DENND1B: variants seen among roughly 807,000 people sequenced by gnomAD.
DENND1B encodes the protein DENN domain containing 1B.
In DENND1B, 59 loss-of-function variants were observed where a neutral mutation model predicts 90.1. The observed-to-expected ratio is 0.65, with a 90% confidence interval of 0.53 to 0.81. The LOEUF (loss-of-function observed/expected upper bound fraction) is 0.81. DENND1B is among the 40% of genes least tolerant of loss of function. The probability of loss-of-function intolerance (pLI) is 0.00; values close to 1 mark genes in which losing one functional copy is unlikely to be tolerated. For missense variants in DENND1B, 862 were observed against 912.6 expected (o/e 0.94, Z 0.71); for synonymous variants, 337 against 324.6 (o/e 1.04, Z -0.41).
At chr1:197,545,743 C>A in intron 18 of DENND1B, 179 bp downstream of exon 18, 1 of 530,528 alleles carries the variant, frequency 1.9e-6, no homozygotes. Flanking sequence ...AAGAAACTAC[C>A]CTCTGCATGC....
intron 15 of DENND1B, among the ~76,000 whole-genome samples, chr1:197,572,267 C>T (rs987121526): frequency 8.5e-5 from 13 of 152,200 alleles, no homozygotes; most frequent in Non-Finnish European, 1.8e-4. Context: ...AGAGTCTCTT[C>T]TGTGCCTGGC....
At chr1:197,556,600 T>C (rs1365226445) in intron 15 of DENND1B, among the ~76,000 whole-genome samples, 1 of 151,980 alleles carries the variant, frequency 6.6e-6, no homozygotes, top group Non-Finnish European at 1.5e-5. Flanking sequence ...AGGTTTCCTA[T>C]AGTATAAATT....
chr1:197,625,510 G>A (rs1017183848), intron 10 of DENND1B, among the ~76,000 whole-genome samples: 7 of 152,014 alleles, frequency 4.6e-5, no homozygotes, highest in African/African-American at 1.7e-4. Flanking sequence ...AGCTCCTGAA[G>A]GAAGCACTAA....
intron 3 of DENND1B, among the ~76,000 whole-genome samples, chr1:197,698,446 C>A (rs1333500763): frequency 6.6e-6 from 1 of 151,904 alleles, no homozygotes; most frequent in African/African-American, 2.4e-5. Context: ...CACTAAATGG[C>A]CACATCAGAA....
intron 10 of DENND1B, among the ~76,000 whole-genome samples, chr1:197,638,433 T>C (rs1015233168): frequency 2.0e-5 from 3 of 152,166 alleles, no homozygotes; most frequent in Admixed American, 2.0e-4. Context: ...CTAGTTAACA[T>C]ATTACTGACA....
chr1:197,600,826 T>C lies in DENND1B; in HGVS notation c.922-5493A>G, dbSNP rs531599111. ...GGTGCACCTGAAATCCCATCCTCAG[T>C]GCAACTGGCACAGCATCAGGTTCCT... is the stretch of plus-strand genomic sequence containing the variant. On this transcript the variant is annotated intron_variant, in intron 13 of 22. Coordinates refer to ENST00000620048, the MANE Select transcript of DENND1B (RefSeq NM_001195215.2). 2.6e-5 allele frequency among the ~76,000 whole-genome samples: 4 copies of C among 151,888 alleles called. No homozygotes were observed. The South Asian group carries it at 8.3e-4, about 31-fold the overall frequency.
chr1:197,741,769 C>T (rs1199250478), intron 2 of DENND1B, among the ~76,000 whole-genome samples: 1 of 151,776 alleles, frequency 6.6e-6, no homozygotes, highest in Non-Finnish European at 1.5e-5. Context: ...TACATACACT[C>T]AAAAAGAAAA....
chr1:197,734,332 A>C (rs1458343281), intron 2 of DENND1B: 1 of 962,208 alleles, frequency 1.0e-6, no homozygotes, highest in Non-Finnish European at 1.2e-6. Context: ...ATGGTAGTGA[A>C]AGATAATTCT....
At chr1:197,540,399 A>G (rs925728710) in intron 19 of DENND1B, among the ~76,000 whole-genome samples, 10 of 152,054 alleles carry the variant, frequency 6.6e-5, no homozygotes, top group African/African-American at 2.4e-4. Flanking sequence ...TTTAAGTAGT[A>G]TGTTTTCTCC....
intron 15 of DENND1B, among the ~76,000 whole-genome samples, chr1:197,554,845 A>AG (rs1371370074): frequency 6.6e-6 from 1 of 150,670 alleles, no homozygotes; most frequent in Non-Finnish European, 1.5e-5. Context: ...AAAAAAAAAA[A>AG]AAAAAAAAGA....
At chr1:197,693,742 T>G (rs1384675071) in intron 3 of DENND1B, among the ~76,000 whole-genome samples, 1 of 151,528 alleles carries the variant, frequency 6.6e-6, no homozygotes. Flanking sequence ...TTCTTTGAGC[T>G]CCATTCTTTT....
intron 3 of DENND1B, among the ~76,000 whole-genome samples, chr1:197,693,693 A>T (rs1367668027): frequency 6.6e-6 from 1 of 151,520 alleles, no homozygotes; most frequent in Non-Finnish European, 1.5e-5. Context: ...TCATTTTCAC[A>T]TCATATTCCA....
At chr1:197,544,911 GAAA>G (rs1670638534) in intron 18 of DENND1B, among the ~76,000 whole-genome samples, 2 of 4,342 alleles carry the variant, frequency 4.6e-4, no homozygotes, top group African/African-American at 8.4e-4. Context: ...GAAAGAAGAA[GAAA>G]AGAAGAAGAA....
chr1:197,773,041 C>T (rs2488396), intron 1 of DENND1B, 109 bp from the exon 2 acceptor site: 758,249 of 918,624 alleles, frequency 0.83, 313,935 homozygotes, highest in African/African-American at 0.96. Context: ...ATACATTTCA[C>T]GTGACTGTAT....
At chr1:197,714,250 G>A (rs1660401338) in intron 3 of DENND1B, among the ~76,000 whole-genome samples, 1 of 151,716 alleles carries the variant, frequency 6.6e-6, no homozygotes, top group Non-Finnish European at 1.5e-5. Context: ...TAGGATTACA[G>A]GCGTGAGCCA....
At chr1:197,552,515 T>C in intron 16 of DENND1B, 1 of 985,516 alleles carries the variant, frequency 1.0e-6, no homozygotes, top group Non-Finnish European at 1.2e-6. Context: ...AACTGGAAAC[T>C]TTCTTAATGC....
intron 3 of DENND1B, among the ~76,000 whole-genome samples, chr1:197,678,617 G>A (rs553767068): frequency 5.9e-5 from 9 of 152,258 alleles, no homozygotes; most frequent in Admixed American, 4.6e-4. Flanking sequence ...CAGGGACACC[G>A]TCAGATATTT....
chr1:197,735,823 A>G, intron 2 of DENND1B: 7 of 1,607,656 alleles, frequency 4.4e-6, no homozygotes, highest in Non-Finnish European at 5.9e-6. Flanking sequence ...AAAAAGGGAC[A>G]ATTGGAAGAA....
intron 5 of DENND1B, among the ~76,000 whole-genome samples, chr1:197,667,059 G>A (rs2125975210): frequency 6.6e-6 from 1 of 151,700 alleles, no homozygotes; most frequent in East Asian, 2.0e-4. Context: ...GGTTGAACCC[G>A]AGAGGCGGAG....
Sources: gnomAD v4.1 joint callset for allele counts (sites outside exome capture counted in the v4.1 genomes callset) on GRCh38, gnomAD v4.1.1 for gene constraint, MANE v1.5 for transcripts, NCBI Gene and HGNC (gene_info 2026-07-23, HGNC 2026-07-21) for gene names.